Variants in FAF1 observed in about 807,000 individuals in gnomAD.
FAF1 encodes the protein Fas associated factor 1.
In FAF1, 25 loss-of-function variants were observed where a neutral mutation model predicts 92.5. The ratio of observed to expected loss-of-function variants is 0.27; its 90% confidence interval spans 0.20 to 0.38. FAF1 has a LOEUF of 0.38. Ranked by LOEUF, FAF1 falls within the 10% of genes least tolerant of loss-of-function variation. FAF1 has a pLI of 1.00. For synonymous variants in FAF1, 234 were observed against 273.2 expected (o/e 0.86, Z 1.42); for missense variants, 636 against 793.3 (o/e 0.80, Z 2.38).
intron 4 of FAF1, among the ~76,000 whole-genome samples, chr1:50,760,996 T>C (rs188878417): frequency 3.9e-5 from 6 of 152,032 alleles, no homozygotes; most frequent in African/African-American, 7.2e-5. Flanking sequence ...TAAAAAATGA[T>C]AAAGGGGATA....
intron 13 of FAF1, 44 bp downstream of exon 13, chr1:50,567,033 T>G: frequency 7.0e-7 from 1 of 1,436,848 alleles, no homozygotes; most frequent in East Asian, 2.3e-5. Flanking sequence ...ATGATTTTTT[T>G]TTTAATAGAA....
intron 18 of FAF1, among the ~76,000 whole-genome samples, chr1:50,459,829 G>A (rs549218610): frequency 4.5e-4 from 69 of 152,360 alleles, no homozygotes; most frequent in African/African-American, 1.6e-3. Flanking sequence ...TGAAGCCACT[G>A]CTCTGCAACT....
intron 12 of FAF1, among the ~76,000 whole-genome samples, chr1:50,579,981 G>A (rs1650919181): frequency 1.3e-5 from 2 of 152,082 alleles, no homozygotes; most frequent in Non-Finnish European, 2.9e-5. Flanking sequence ...TGATTATGTA[G>A]GAGAATATCA....
chr1:50,611,176 C>T (rs1392388136), intron 8 of FAF1, among the ~76,000 whole-genome samples: 2 of 152,138 alleles, frequency 1.3e-5, no homozygotes, highest in Non-Finnish European at 2.9e-5. Flanking sequence ...TCTTTTGTGT[C>T]AAGTTACTAA....
intron 1 of FAF1, among the ~76,000 whole-genome samples, chr1:50,910,484 G>A (rs1174793966): frequency 6.6e-6 from 1 of 152,202 alleles, no homozygotes; most frequent in Non-Finnish European, 1.5e-5. Context: ...GCCCCTAGAG[G>A]TGGAGTCTAC....
chr1:50,903,275 T>C (rs574033003), intron 1 of FAF1, among the ~76,000 whole-genome samples: 1 of 152,284 alleles, frequency 6.6e-6, no homozygotes, highest in East Asian at 1.9e-4. Flanking sequence ...CCTTCCTTAA[T>C]TATCCCTACC....
chr1:50,691,752 G>A (rs527240377), intron 7 of FAF1, among the ~76,000 whole-genome samples: 3 of 152,224 alleles, frequency 2.0e-5, no homozygotes, highest in East Asian at 1.9e-4. Flanking sequence ...CACCACGCCC[G>A]GCTAATTTTG....
At chr1:50,710,630 T>G (rs1385249969) in intron 6 of FAF1, among the ~76,000 whole-genome samples, 2 of 151,226 alleles carry the variant, frequency 1.3e-5, no homozygotes, top group East Asian at 3.9e-4. Context: ...CGAGACAGAG[T>G]CTCGCTCTGT....
chr1:50,474,488 T>G (rs1646614654), intron 18 of FAF1, among the ~76,000 whole-genome samples: 1 of 152,132 alleles, frequency 6.6e-6, no homozygotes, highest in African/African-American at 2.4e-5. Flanking sequence ...TAGTGGTGAT[T>G]TGTGAGATTT....
At chr1:50,609,082 G>C (rs1652572969) in intron 8 of FAF1, among the ~76,000 whole-genome samples, 1 of 152,200 alleles carries the variant, frequency 6.6e-6, no homozygotes, top group Non-Finnish European at 1.5e-5. Flanking sequence ...TTAACTAATA[G>C]TTACTGAACA....
chr1:50,678,776 CAA>C (rs58946586), intron 7 of FAF1, among the ~76,000 whole-genome samples: 443 of 13,798 alleles, frequency 0.032, 3 homozygotes, highest in African/African-American at 0.079. Flanking sequence ...GACTCCATCT[CAA>C]AAAAAAAAAA....
intron 18 of FAF1, among the ~76,000 whole-genome samples, chr1:50,453,147 T>C (rs920663961): frequency 3.9e-5 from 6 of 152,250 alleles, no homozygotes; most frequent in African/African-American, 1.4e-4. Context: ...GAAAGACAGT[T>C]TGGACATAGA....
intron 1 of FAF1, among the ~76,000 whole-genome samples, chr1:50,958,841 T>C (rs1200001435): frequency 1.3e-5 from 2 of 152,194 alleles, no homozygotes; most frequent in Non-Finnish European, 1.5e-5. Context: ...AGTCTGCCTA[T>C]ACTTGACAGT....
chr1:50,547,487 C>T (rs1649086004), intron 13 of FAF1, among the ~76,000 whole-genome samples: 1 of 151,566 alleles, frequency 6.6e-6, no homozygotes, highest in African/African-American at 2.4e-5. Flanking sequence ...GATCTAGGCT[C>T]ACCTCAACCT....
intron 6 of FAF1, 135 bp from the exon 7 acceptor site, chr1:50,706,026 A>G: frequency 1.8e-6 from 1 of 563,432 alleles, no homozygotes; most frequent in Non-Finnish European, 3.2e-6. Context: ...TCATATTTTC[A>G]GCTCCTAAAG....
chr1:50,884,965 T>C (rs1053116845), intron 1 of FAF1, among the ~76,000 whole-genome samples: 4 of 152,208 alleles, frequency 2.6e-5, no homozygotes, highest in Admixed American at 6.5e-5. Flanking sequence ...GTTATTGGTC[T>C]CTTCAGGTTT....
intron 4 of FAF1, among the ~76,000 whole-genome samples, chr1:50,747,562 C>T (rs933830549): frequency 6.6e-6 from 1 of 152,082 alleles, no homozygotes; most frequent in Non-Finnish European, 1.5e-5. Context: ...GTAAAAGGGA[C>T]CAGCCTTGTC....
intron 17 of FAF1, among the ~76,000 whole-genome samples, chr1:50,487,771 C>G (rs938109992): frequency 6.6e-6 from 1 of 152,064 alleles, no homozygotes; most frequent in African/African-American, 2.4e-5. Context: ...ACAATAAAAC[C>G]ACTCTTGTTT....
At position 50,687,355 on chromosome 1, in the gene FAF1, CAA is replaced by C. The variant is rs78325708; in HGVS notation, c.657+18429_657+18430del. ...ACCAATTCCAGAACGTTTTATCAATCAAAAAAAAAAAAAAAAAACCCAACCTG... is the reference window on the plus strand; with the variant it reads ...ACCAATTCCAGAACGTTTTATCAATCAAAAAAAAAAAAAAAACCCAACCTG... On this transcript the variant is annotated intron_variant, in intron 7 of 18. Transcript: ENST00000396153. Among the ~76,000 whole-genome samples the C allele has an allele frequency of 5.1e-4, 43 of 83,766 alleles. 1 individual carries two copies. Among genetic ancestry groups the C allele is most frequent in the African/African-American group, 1.1e-3 (26 of 24,062 alleles). The allele number at this position is 83,766 out of a possible 152,430, so 55.0% of individuals were successfully genotyped here. A position where few individuals can be genotyped will look rare whatever the true frequency, so the allele number is the denominator to read the frequency against.
Sources: allele counts gnomAD v4.1 joint callset (sites outside exome capture counted in the v4.1 genomes callset), GRCh38; gene constraint gnomAD v4.1.1; transcripts MANE v1.5; gene names NCBI Gene and HGNC (gene_info 2026-07-23, HGNC 2026-07-21).